Variants in TBX22 observed in about 807,000 individuals in gnomAD.
The protein encoded by TBX22 is T-box transcription factor 22.
A neutral mutation model predicts 30.1 loss-of-function variants in TBX22; 8 were observed. The ratio of observed to expected loss-of-function variants is 0.27; its 90% CI spans 0.16 to 0.48. The LOEUF is 0.48. Among genes scored for constraint, TBX22 ranks in the 20% least tolerant of loss-of-function variants. TBX22 has a pLI of 0.99. For missense variants in TBX22, 463 were observed against 400.5 expected (o/e 1.16, Z -1.33); for synonymous variants, 173 against 149.1 (o/e 1.16, Z -1.17).
chrX:80,022,265 C>T lies in TBX22; in HGVS notation c.-2-3C>T, dbSNP rs761633810. On this transcript the variant is annotated splice_region_variant and splice_polypyrimidine_tract_variant and intron_variant, in intron 1 of 8. Coordinates refer to ENST00000373296, the MANE Select transcript of TBX22 (RefSeq NM_001109878.2). ...CTGCAAAGAATCCCTTCACCCCCTC[C>T]AGGGATGGCTCTGAGCTCTCGGGCG... The T allele has an allele frequency of 8.3e-7, 1 of 1,208,770 alleles. No individual in the cohort carries two copies. The highest frequency in any genetic ancestry group is 1.8e-5 in the African/African-American group (1 of 56,817).
chrX:80,027,046 G>T (rs1433383467), intron 6 of TBX22, among the ~76,000 whole-genome samples, 178 bp downstream of exon 6: 1 of 112,199 alleles, frequency 8.9e-6, no homozygotes, highest in Non-Finnish European at 1.9e-5. Flanking sequence ...ATGGGAGAAG[G>T]CAACTCCAGA....
At chrX:80,027,558 T>C (rs1180397565) in intron 7 of TBX22, among the ~76,000 whole-genome samples, 1 of 110,995 alleles carries the variant, frequency 9.0e-6, no homozygotes, top group Non-Finnish European at 1.9e-5. Context: ...TTTGTATTTT[T>C]AGTAGAGATG....
chrX:80,017,355 G>A (rs1044991712), intron 1 of TBX22, among the ~76,000 whole-genome samples: 5 of 106,601 alleles, frequency 4.7e-5, no homozygotes, highest in Non-Finnish European at 7.7e-5. Flanking sequence ...GTAGAGACAG[G>A]ATCTTGCTAT....
chrX:80,029,767 A>G (rs1473559268), intron 8 of TBX22, among the ~76,000 whole-genome samples: 1 of 112,529 alleles, frequency 8.9e-6, no homozygotes, highest in Admixed American at 9.4e-5. Flanking sequence ...TTTTAGTAAC[A>G]TTTTAAGGTT....
At chrX:80,026,639 G>T (rs927288051) in intron 5 of TBX22, 65 bp from the exon 6 acceptor site, 1 of 1,098,988 alleles carries the variant, frequency 9.1e-7, no homozygotes. Flanking sequence ...AGGTGGTCAG[G>T]AGAGGGAACT....
intron 1 of TBX22, among the ~76,000 whole-genome samples, chrX:80,016,530 A>C (rs1923444412): frequency 1.8e-5 from 2 of 111,726 alleles, no homozygotes; most frequent in Admixed American, 1.9e-4. Context: ...TGATGCAATT[A>C]ACTTGGCATA....
chrX:80,018,000 C>T (rs5959652), intron 1 of TBX22, among the ~76,000 whole-genome samples: 2,872 of 111,834 alleles, frequency 0.026, 82 homozygotes, highest in African/African-American at 0.086. Flanking sequence ...AAGAACACAG[C>T]GAACACAGAT....
chrX:80,024,261 A>C (rs1923864131), intron 4 of TBX22, 97 bp downstream of exon 4: 202 of 683,018 alleles, frequency 3.0e-4, no homozygotes, highest in East Asian at 5.7e-4. Flanking sequence ...TGAAAACTCT[A>C]GCATGGGGGG....
At chrX:80,024,268 G>T (rs1358100977) in intron 4 of TBX22, 104 bp downstream of exon 4, 3 of 725,291 alleles carry the variant, frequency 4.1e-6, no homozygotes, top group Non-Finnish European at 6.5e-6. Flanking sequence ...TCTAGCATGG[G>T]GGGTGGGAGT....
chrX:80,025,683 C>G lies in TBX22; in HGVS notation c.539C>G (p.Pro180Arg). The G allele has an allele frequency of 8.3e-7, 1 of 1,208,504 alleles. No homozygotes were observed. Among genetic ancestry groups the G allele is most frequent in the Admixed American group, 2.2e-5 (1 of 46,053 alleles). ...LCIIPRFYVH[P>R]DSPCSGETWM... ...ATCATTCCTAGATTCTATGTTCACCCGGACTCACCCTGCTCGGGAGAGACC... is the reference window on the plus strand; with the variant it reads ...ATCATTCCTAGATTCTATGTTCACCGGGACTCACCCTGCTCGGGAGAGACC... The change falls in exon 5 of 9, where the codon CCG becomes CGG. Residue 180 changes from proline to arginine, a missense_variant. Physicochemically the swap from Pro to Arg is moderately radical, Grantham distance 103 (BLOSUM62 -2). Transcript: ENST00000373296.
In TBX22 at chrX:80,025,592, T is replaced by C. The variant is rs1923930016; in HGVS notation, c.459-11T>C. 8.3e-7 allele frequency: 1 copy of C among 1,202,381 alleles called. No homozygotes were observed. Among genetic ancestry groups the C allele is most frequent in the Admixed American group, 2.2e-5 (1 of 45,800 alleles). ...CTGCTGCACCTAATGCCACAGCATG[T>C]GTTTTTTCAGGTACGTCTATCACAG... On this transcript the variant is annotated splice_polypyrimidine_tract_variant and intron_variant, in intron 4 of 8. Coordinates refer to ENST00000373296, the MANE Select transcript of TBX22 (RefSeq NM_001109878.2).
chrX:80,027,136 A>G, intron 6 of TBX22, 120 bp from the exon 7 acceptor site: 1 of 507,569 alleles, frequency 2.0e-6, no homozygotes, highest in Non-Finnish European at 3.5e-6. Flanking sequence ...ACATTTATTT[A>G]AATTGTCATA....
chrX:80,021,984 T>A, intron 1 of TBX22, among the ~76,000 whole-genome samples: 1 of 109,764 alleles, frequency 9.1e-6, no homozygotes, highest in Non-Finnish European at 1.9e-5. Context: ...TCTCCTTTCA[T>A]TTTGTCTATT....
At position 80,030,863 on chromosome X, in the gene TBX22, T is replaced by C. The variant is rs998709277; in HGVS notation, c.1315T>C (p.Ser439Pro). 2.5e-6 allele frequency: 3 copies of C among 1,211,923 alleles called. No homozygotes were observed. ...TGATCAGTATCTACAAGCACCTAAT[T>C]CTACCAATCAAATGTTATATGGATT... The part of the protein sequence containing the change: ...SSDQYLQAPN[S>P]TNQMLYGLQS... The change falls in exon 9 of 9, where the codon TCT becomes CCT. Residue 439 changes from serine to proline, a missense_variant. Transcript: ENST00000373296.
At chrX:80,016,374 A>T (rs1460378176) in intron 1 of TBX22, among the ~76,000 whole-genome samples, 2 of 112,053 alleles carry the variant, frequency 1.8e-5, no homozygotes, top group Non-Finnish European at 3.8e-5. Flanking sequence ...AGGCAGAGCC[A>T]GATGATGACT....
chrX:80,023,125 G>A lies in TBX22; in HGVS notation c.241G>A (p.Gly81Ser), dbSNP rs769623927. The part of the protein sequence containing the change: ...SSGCGSDSGY[G>S]NSSESLEEKD... ...TGGCTGCGGCAGCGACAGCGGCTACGGCAACAGCTCTGAAAGTCTGGAAGA... is the reference window on the plus strand; with the variant it reads ...TGGCTGCGGCAGCGACAGCGGCTACAGCAACAGCTCTGAAAGTCTGGAAGA... The change falls in exon 3 of 9, where the codon GGC (glycine) becomes AGC (serine). Residue 81 changes from glycine (G) to serine (S), a missense_variant. Coordinates refer to ENST00000373296, the MANE Select transcript of TBX22 (RefSeq NM_001109878.2). 4.0e-5 allele frequency: 48 copies of A among 1,209,955 alleles called. 1 individual carries two copies. The South Asian group carries it at 6.3e-4, about 16-fold the overall frequency.
At position 80,027,287 on chromosome X, in the gene TBX22, T is replaced by C; in HGVS notation, c.830T>C (p.Phe277Ser). The C allele has an allele frequency of 2.7e-6, 3 of 1,117,514 alleles. No homozygotes were observed. Among genetic ancestry groups the C allele is most frequent in the East Asian group, 3.0e-5 (1 of 33,364 alleles). The allele number at this position is 1,117,514 out of a possible 1,213,427, so 92.1% of individuals were successfully genotyped here. A position where few individuals can be genotyped will look rare whatever the true frequency, so the allele number is the denominator to read the frequency against. The change falls in exon 7 of 9, where the codon TTT becomes TCT. Residue 277 changes from phenylalanine (F) to serine (S), a missense_variant. By Grantham distance (155) the Phe-to-Ser change is radical. Coordinates refer to ENST00000373296, the MANE Select transcript of TBX22 (RefSeq NM_001109878.2). ...AAACTAAAAATAGAAAGAAATCCTT[T>C]TGCTAAAGGATTTAGAGATACTGGA... ...ITKLKIERNP[F>S]AKGFRDTGRN... is the part of the protein sequence containing the mutation.
At chrX:80,020,171 T>C (rs952702790) in intron 1 of TBX22, among the ~76,000 whole-genome samples, 4 of 111,903 alleles carry the variant, frequency 3.6e-5, no homozygotes, top group African/African-American at 9.8e-5. Flanking sequence ...CTAACACAAA[T>C]ATTACATGGT....
chrX:80,019,111 A>G (rs1436660344), intron 1 of TBX22, among the ~76,000 whole-genome samples: 1 of 112,121 alleles, frequency 8.9e-6, no homozygotes, highest in Non-Finnish European at 1.9e-5. Context: ...TCTTTTGTCT[A>G]CAAGTAATGG....
Sources: gnomAD v4.1 joint callset for allele counts (sites outside exome capture counted in the v4.1 genomes callset) on GRCh38, gnomAD v4.1.1 for gene constraint, MANE v1.5 for transcripts, NCBI Gene and HGNC (gene_info 2026-07-23, HGNC 2026-07-21) for gene names.